MAML2: variants seen among roughly 807,000 people sequenced by gnomAD.
MAML2 encodes mastermind like transcriptional coactivator 2.
MAML2 carries 22 observed loss-of-function variants against 96.1 expected under a neutral mutation model. The ratio of observed to expected loss-of-function variants is 0.23; its 90% confidence interval spans 0.16 to 0.33. MAML2 has a LOEUF of 0.33. Ranked by LOEUF, MAML2 falls within the 10% of genes least tolerant of loss-of-function variation. The pLI, the probability that MAML2 is intolerant of heterozygous loss-of-function variation, is 1.00. For synonymous variants in MAML2, 561 were observed against 521.3 expected (o/e 1.08, Z -1.04); for missense variants, 1,367 against 1,392.4 (o/e 0.98, Z 0.29).
chr11:96,266,440 G>A (rs1183745438), intron 1 of MAML2, among the ~76,000 whole-genome samples: 1 of 151,952 alleles, frequency 6.6e-6, no homozygotes, highest in African/African-American at 2.4e-5. Flanking sequence ...GCGTGGTGGT[G>A]GGCACCTGTA....
intron 1 of MAML2, among the ~76,000 whole-genome samples, chr11:96,124,589 C>T (rs372125074): frequency 1.3e-5 from 2 of 152,256 alleles, no homozygotes; most frequent in Non-Finnish European, 1.5e-5. Context: ...AATGCACACT[C>T]AAAGGATAAA....
chr11:96,085,170 G>GTGTA (rs1859589608), intron 2 of MAML2, among the ~76,000 whole-genome samples: 1 of 43,176 alleles, frequency 2.3e-5, no homozygotes, highest in African/African-American at 7.3e-5. Flanking sequence ...CTATGCGTAT[G>GTGTA]TGTGTGTGTG....
chr11:96,156,614 A>C (rs147331420), intron 1 of MAML2, among the ~76,000 whole-genome samples: 1 of 152,262 alleles, frequency 6.6e-6, no homozygotes, highest in East Asian at 1.9e-4. Context: ...CATTTTTTCC[A>C]ACTAGAAAAA....
chr11:96,087,920 G>A (rs562937377), intron 2 of MAML2, among the ~76,000 whole-genome samples: 1 of 152,108 alleles, frequency 6.6e-6, no homozygotes, highest in Admixed American at 6.5e-5. Flanking sequence ...TTCTTCTCTG[G>A]CCCTTTCATT....
At chr11:96,338,729 T>G (rs1401135541) in intron 1 of MAML2, among the ~76,000 whole-genome samples, 1 of 152,242 alleles carries the variant, frequency 6.6e-6, no homozygotes, top group Admixed American at 6.5e-5. Context: ...GGCATACGAA[T>G]TAACTATTAA....
intron 1 of MAML2, among the ~76,000 whole-genome samples, chr11:96,220,418 C>T (rs1862118389): frequency 1.3e-5 from 2 of 152,154 alleles, no homozygotes; most frequent in Admixed American, 1.3e-4. Flanking sequence ...CCTCCTGGGA[C>T]TCAGAGTCAG....
intron 1 of MAML2, among the ~76,000 whole-genome samples, chr11:96,214,648 T>C (rs531166173): frequency 6.6e-6 from 1 of 152,302 alleles, no homozygotes; most frequent in East Asian, 1.9e-4. Flanking sequence ...GAAGCACTTA[T>C]AGTCATGCGA....
chr11:96,266,387 G>T (rs182816692), intron 1 of MAML2, among the ~76,000 whole-genome samples: 1 of 151,968 alleles, frequency 6.6e-6, no homozygotes, highest in Non-Finnish European at 1.5e-5. Context: ...TGGCTAACAC[G>T]GTAAAACCCC....
chr11:96,032,430 T>A (rs1174781768), intron 2 of MAML2, among the ~76,000 whole-genome samples: 2 of 151,632 alleles, frequency 1.3e-5, no homozygotes, highest in Non-Finnish European at 2.9e-5. Context: ...TCTACAAAAA[T>A]ACAAAAATTA....
chr11:96,135,196 T>C lies in MAML2; in HGVS notation c.514-41679A>G, dbSNP rs151086165. Among the ~76,000 whole-genome samples, 470 of 152,312 alleles carry C rather than the reference T, an allele frequency of 3.1e-3. 5 individuals are homozygous for C. Among genetic ancestry groups the C allele is most frequent in the African/African-American group, 0.011 (446 of 41,556 alleles). ...GGTTCCTAATAAAATAATAACTTTGTCTCTGTTCCCCCTTTATCTCTTGCC... is the reference window on the plus strand; with the variant it reads ...GGTTCCTAATAAAATAATAACTTTGCCTCTGTTCCCCCTTTATCTCTTGCC... On this transcript the variant is annotated intron_variant, in intron 1 of 4. Transcript: ENST00000524717.
At chr11:96,212,263 T>C (rs1861985014) in intron 1 of MAML2, among the ~76,000 whole-genome samples, 1 of 149,494 alleles carries the variant, frequency 6.7e-6, no homozygotes. Flanking sequence ...GAAAGTTAAG[T>C]TAAAGATAAT....
chr11:96,036,218 T>C (rs2135751521), intron 2 of MAML2, among the ~76,000 whole-genome samples: 1 of 152,184 alleles, frequency 6.6e-6, no homozygotes, highest in East Asian at 1.9e-4. Context: ...CCCACCGGAA[T>C]GACACATACA....
intron 1 of MAML2, among the ~76,000 whole-genome samples, chr11:96,278,131 C>T (rs1019650521): frequency 3.3e-5 from 5 of 152,130 alleles, no homozygotes; most frequent in Admixed American, 2.0e-4. Flanking sequence ...TGGGGAACAG[C>T]TTAGCTGCTA....
chr11:96,138,021 A>G (rs753229175), intron 1 of MAML2, among the ~76,000 whole-genome samples: 8 of 152,134 alleles, frequency 5.3e-5, no homozygotes, highest in Non-Finnish European at 1.2e-4. Context: ...GAACCAAATG[A>G]TTAAAAAATG....
intron 1 of MAML2, among the ~76,000 whole-genome samples, chr11:96,220,577 T>A (rs905068611): frequency 1.1e-4 from 16 of 152,206 alleles, no homozygotes; most frequent in African/African-American, 3.9e-4. Flanking sequence ...ATTTATCTTC[T>A]TTGCAAGTTG....
At chr11:96,266,929 T>C (rs1313237319) in intron 1 of MAML2, among the ~76,000 whole-genome samples, 1 of 152,208 alleles carries the variant, frequency 6.6e-6, no homozygotes, top group African/African-American at 2.4e-5. Flanking sequence ...AAACATAACG[T>C]TATTGAGAAG....
intron 2 of MAML2, among the ~76,000 whole-genome samples, chr11:96,084,040 C>G (rs189903898): frequency 3.3e-5 from 5 of 152,132 alleles, no homozygotes; most frequent in Middle Eastern, 3.4e-3. Flanking sequence ...GAAGGAACAG[C>G]GTATTTGAAG....
chr11:96,206,658 T>A (rs763273517), intron 1 of MAML2, among the ~76,000 whole-genome samples: 2 of 152,230 alleles, frequency 1.3e-5, no homozygotes, highest in Non-Finnish European at 2.9e-5. Context: ...GAAACCCATT[T>A]CATTTTGTGC....
intron 1 of MAML2, among the ~76,000 whole-genome samples, chr11:96,093,894 C>T (rs1449210357): frequency 6.6e-6 from 1 of 152,190 alleles, no homozygotes; most frequent in Non-Finnish European, 1.5e-5. Flanking sequence ...CATGCACACA[C>T]AACTCCTCGC....
Sources: gnomAD v4.1 joint callset for allele counts (sites outside exome capture counted in the v4.1 genomes callset) on GRCh38, gnomAD v4.1.1 for gene constraint, MANE v1.5 for transcripts, NCBI Gene and HGNC (gene_info 2026-07-23, HGNC 2026-07-21) for gene names.